SPOCK3: variants seen among roughly 807,000 people sequenced by gnomAD.
SPOCK3 encodes SPARC (osteonectin), cwcv and kazal like domains proteoglycan 3, also known as testican-3.
A neutral mutation model predicts 56.6 loss-of-function variants in SPOCK3; 30 were observed. The observed-to-expected ratio is 0.53, with a 90% CI of 0.40 to 0.72. The LOEUF (loss-of-function observed/expected upper bound fraction) is 0.72. Among genes scored for constraint, SPOCK3 ranks in the 30% least tolerant of loss-of-function variants. The pLI is 0.00. For missense variants in SPOCK3, 527 were observed against 530.0 expected (o/e 0.99, Z 0.06); for synonymous variants, 196 against 183.3 (o/e 1.07, Z -0.56).
chr4:167,090,508 A>T (rs1027721292), intron 2 of SPOCK3, among the ~76,000 whole-genome samples: 11 of 145,694 alleles, frequency 7.6e-5, no homozygotes, highest in East Asian at 6.0e-4. Flanking sequence ...ATATGGATTT[A>T]TTTTTTTTTT....
At chr4:167,191,982 A>T (rs898027454) in intron 2 of SPOCK3, among the ~76,000 whole-genome samples, 1 of 145,348 alleles carries the variant, frequency 6.9e-6, no homozygotes, top group Non-Finnish European at 1.5e-5. Context: ...GCGAGTTTTT[A>T]TCATAAAAGT....
intron 5 of SPOCK3, among the ~76,000 whole-genome samples, chr4:166,907,924 A>C (rs1736805716): frequency 6.6e-6 from 1 of 152,036 alleles, no homozygotes; most frequent in South Asian, 2.1e-4. Context: ...GTGGAAAAGC[A>C]AGTCAAATAG....
chr4:167,114,147 A>C (rs1204278513), intron 2 of SPOCK3, among the ~76,000 whole-genome samples: 1 of 152,082 alleles, frequency 6.6e-6, no homozygotes, highest in Admixed American at 6.6e-5. Context: ...CTCTAAAATA[A>C]ACGAGAGAGA....
intron 5 of SPOCK3, among the ~76,000 whole-genome samples, chr4:166,892,304 T>A (rs1342414280): frequency 6.6e-6 from 1 of 151,914 alleles, no homozygotes; most frequent in Admixed American, 6.6e-5. Context: ...GTGAAATGAT[T>A]TCAGAATGAT....
At chr4:166,984,800 C>A (rs942090674) in intron 4 of SPOCK3, among the ~76,000 whole-genome samples, 6 of 152,172 alleles carry the variant, frequency 3.9e-5, no homozygotes, top group Admixed American at 3.9e-4. Flanking sequence ...AACTACAGAC[C>A]ATGAAATGTA....
At chr4:166,934,396 G>A (rs1487721901) in intron 4 of SPOCK3, among the ~76,000 whole-genome samples, 2 of 151,748 alleles carry the variant, frequency 1.3e-5, no homozygotes, top group African/African-American at 4.8e-5. Context: ...TACTCGGGAG[G>A]CTGAGGCAGC....
At chr4:167,180,144 A>C (rs920102069) in intron 2 of SPOCK3, among the ~76,000 whole-genome samples, 1 of 152,160 alleles carries the variant, frequency 6.6e-6, no homozygotes, top group African/African-American at 2.4e-5. Flanking sequence ...AAATGAACTC[A>C]GCCTTCCTTG....
chr4:167,225,463 C>T (rs1736497728), intron 2 of SPOCK3, among the ~76,000 whole-genome samples: 1 of 151,974 alleles, frequency 6.6e-6, no homozygotes, highest in African/African-American at 2.4e-5. Context: ...GGAAAAATAA[C>T]TTTATGAAGA....
intron 8 of SPOCK3, among the ~76,000 whole-genome samples, chr4:166,747,383 C>A (rs1228064014): frequency 6.6e-6 from 1 of 152,142 alleles, no homozygotes; most frequent in Non-Finnish European, 1.5e-5. Flanking sequence ...ATGACAAAAA[C>A]CATATGATTA....
At chr4:166,769,356 TG>T (rs36116768) in intron 7 of SPOCK3, among the ~76,000 whole-genome samples, 50,106 of 151,936 alleles carry the variant, frequency 0.33, 8,431 homozygotes, top group Admixed American at 0.42. Flanking sequence ...GACGTACAGA[TG>T]GGGTTTTGGT....
At chr4:166,820,895 G>A (rs1560894162) in intron 6 of SPOCK3, among the ~76,000 whole-genome samples, 1 of 151,960 alleles carries the variant, frequency 6.6e-6, no homozygotes, top group Non-Finnish European at 1.5e-5. Context: ...TTGGTTAGAT[G>A]ATGACGTCTT....
chr4:166,794,255 T>C (rs1741663614), intron 6 of SPOCK3, among the ~76,000 whole-genome samples: 1 of 146,688 alleles, frequency 6.8e-6, no homozygotes, highest in South Asian at 2.1e-4. Flanking sequence ...TTGATATGAA[T>C]GCTTACACTG....
At chr4:166,950,037 A>C (rs1742335065) in intron 4 of SPOCK3, among the ~76,000 whole-genome samples, 1 of 151,022 alleles carries the variant, frequency 6.6e-6, no homozygotes. Flanking sequence ...CTAACGAGCA[A>C]AATAACCAGC....
intron 5 of SPOCK3, among the ~76,000 whole-genome samples, chr4:166,900,987 T>C (rs2127055196): frequency 6.6e-6 from 1 of 152,294 alleles, no homozygotes; most frequent in Non-Finnish European, 1.5e-5. Context: ...TGTCCTTGTA[T>C]GTCTCTCAAA....
intron 2 of SPOCK3, among the ~76,000 whole-genome samples, chr4:167,128,413 C>A (rs571407058): frequency 1.3e-5 from 2 of 152,180 alleles, no homozygotes; most frequent in South Asian, 4.1e-4. Flanking sequence ...TTTGGGTACA[C>A]CACCATTTAT....
intron 9 of SPOCK3, among the ~76,000 whole-genome samples, chr4:166,738,721 T>C (rs930970921): frequency 6.7e-6 from 1 of 149,166 alleles, no homozygotes; most frequent in African/African-American, 2.5e-5. Flanking sequence ...CATGCGGTGT[T>C]TGGTTTTTTG....
chr4:166,813,923 A>T (rs1196956386), intron 6 of SPOCK3, among the ~76,000 whole-genome samples: 1 of 152,100 alleles, frequency 6.6e-6, no homozygotes, highest in Non-Finnish European at 1.5e-5. Flanking sequence ...TCCCTATCAG[A>T]GCAACTTGAA....
chr4:166,821,375 G>A (rs964816987), intron 6 of SPOCK3, among the ~76,000 whole-genome samples: 6 of 152,090 alleles, frequency 3.9e-5, no homozygotes, highest in South Asian at 2.1e-4. Flanking sequence ...TTTGAAAAAC[G>A]GTTTGGTTTG....
At position 166,896,875 on chromosome 4, in the gene SPOCK3, G is replaced by A. The variant is rs532435784; in HGVS notation, c.475-7631C>T. 8.5e-5 allele frequency among the ~76,000 whole-genome samples: 13 copies of A among 152,132 alleles called. No homozygotes were observed. The East Asian group carries it at 2.5e-3, about 29-fold the overall frequency. On this transcript the variant is annotated intron_variant, in intron 5 of 10. Coordinates refer to ENST00000357545, the MANE Select transcript of SPOCK3 (RefSeq NM_001040159.2). ...TGGCCCATGTTCTTAAATACAGGTG[G>A]GTTTACCATCAGGACTATATTAGAG...
Sources: gnomAD v4.1 joint callset for allele counts (sites outside exome capture counted in the v4.1 genomes callset) on GRCh38, gnomAD v4.1.1 for gene constraint, MANE v1.5 for transcripts, NCBI Gene and HGNC (gene_info 2026-07-23, HGNC 2026-07-21) for gene names.